CSMD2: variants seen among roughly 807,000 people sequenced by gnomAD.
The protein encoded by CSMD2 is CUB and Sushi multiple domains 2, also known as CUB and sushi domain-containing protein 2.
A neutral mutation model predicts 398.5 loss-of-function variants in CSMD2; 130 were observed. The ratio of observed to expected loss-of-function variants is 0.33; its 90% CI spans 0.28 to 0.38. The LOEUF (loss-of-function observed/expected upper bound fraction) is 0.38, where lower values mean the gene tolerates loss of function less well. Among genes scored for constraint, CSMD2 ranks in the 10% least tolerant of loss-of-function variants. CSMD2 has a pLI of 1.00. For synonymous variants in CSMD2, 1,828 were observed against 1,908.5 expected (o/e 0.96, Z 1.10); for missense variants, 3,829 against 4,764.9 (o/e 0.80, Z 5.78).
chr1:34,004,768 A>G (rs1647007293), intron 3 of CSMD2, among the ~76,000 whole-genome samples: 2 of 152,096 alleles, frequency 1.3e-5, no homozygotes, highest in African/African-American at 4.8e-5. Flanking sequence ...GGGTCCAAGT[A>G]TTCCTATGGC....
intron 1 of CSMD2, among the ~76,000 whole-genome samples, chr1:34,108,439 A>G (rs4581245): frequency 0.027 from 4,055 of 152,248 alleles, 76 homozygotes; most frequent in African/African-American, 0.045. Context: ...TCAAGACCAC[A>G]TTCACAGAGA....
intron 2 of CSMD2, among the ~76,000 whole-genome samples, chr1:34,036,464 ATAAAAT>A (rs1157803448): frequency 2.0e-4 from 30 of 152,224 alleles, no homozygotes; most frequent in Non-Finnish European, 4.4e-4. Flanking sequence ...TCTAGAGATG[ATAAAAT>A]TAAAGAGATG....
At chr1:33,904,623 T>C (rs910369874) in intron 5 of CSMD2, among the ~76,000 whole-genome samples, 1 of 151,884 alleles carries the variant, frequency 6.6e-6, no homozygotes, top group African/African-American at 2.4e-5. Flanking sequence ...TGCTACTAAG[T>C]TGTACACCTA....
chr1:34,005,609 C>A (rs1382845343), intron 3 of CSMD2, among the ~76,000 whole-genome samples: 4 of 152,182 alleles, frequency 2.6e-5, no homozygotes, highest in African/African-American at 7.2e-5. Context: ...CAAGCTTGAA[C>A]CTTCCTTGCA....
At chr1:33,677,391 C>T (rs1204609290) in intron 25 of CSMD2, among the ~76,000 whole-genome samples, 1 of 152,154 alleles carries the variant, frequency 6.6e-6, no homozygotes, top group East Asian at 1.9e-4. Context: ...CAGAGAAATG[C>T]AAATCAAAAC....
intron 42 of CSMD2, 143 bp downstream of exon 42, chr1:33,605,139 T>C (rs912591081): frequency 2.5e-6 from 2 of 786,844 alleles, no homozygotes; most frequent in East Asian, 2.7e-5. Flanking sequence ...GGCCACACCA[T>C]GTGAAAACAG....
intron 36 of CSMD2, 68 bp downstream of exon 36, chr1:33,623,302 T>G: frequency 9.9e-7 from 1 of 1,006,470 alleles, no homozygotes; most frequent in Non-Finnish European, 1.6e-6. Flanking sequence ...ATAATGATAA[T>G]AACAATGTTC....
At position 34,137,562 on chromosome 1, in the gene CSMD2, C is replaced by T. The variant is rs549358828; in HGVS notation, c.187+27349G>A. ...AACTATGCTCCCTTCCCTCCTTCAC[C>T]CTTCTGCCTTTGAACTCTAGCCTGG... On this transcript the variant is annotated intron_variant, in intron 1 of 70. Coordinates refer to ENST00000373381, the MANE Select transcript of CSMD2 (RefSeq NM_001281956.2). Among the ~76,000 whole-genome samples, 5 of 152,276 alleles carry T rather than the reference C, an allele frequency of 3.3e-5. No homozygotes were observed. The East Asian group carries it at 9.6e-4, about 29-fold the overall frequency.
At chr1:33,610,414 A>T (rs1640917369) in intron 41 of CSMD2, among the ~76,000 whole-genome samples, 1 of 152,196 alleles carries the variant, frequency 6.6e-6, no homozygotes, top group Admixed American at 6.5e-5. Context: ...GGTTGGGCAC[A>T]ATCTCCACAT....
chr1:33,990,924 A>C (rs1330747278), intron 3 of CSMD2, among the ~76,000 whole-genome samples: 1 of 152,094 alleles, frequency 6.6e-6, no homozygotes, highest in Admixed American at 6.5e-5. Flanking sequence ...CATGGGTCAT[A>C]CTTATAATAG....
At chr1:34,041,426 A>G (rs1250650583) in intron 2 of CSMD2, among the ~76,000 whole-genome samples, 1 of 152,098 alleles carries the variant, frequency 6.6e-6, no homozygotes, top group Non-Finnish European at 1.5e-5. Context: ...TATGCATGGG[A>G]CTCAAAGTCA....
chr1:33,854,909 G>A (rs929149258), intron 5 of CSMD2, among the ~76,000 whole-genome samples: 13 of 152,138 alleles, frequency 8.5e-5, no homozygotes, highest in African/African-American at 2.9e-4. Context: ...TGTATGGGGT[G>A]GTGGCATATT....
chr1:33,739,362 T>A (rs1398456907), intron 14 of CSMD2, 28 bp from the exon 15 acceptor site: 3 of 1,586,520 alleles, frequency 1.9e-6, no homozygotes, highest in Admixed American at 3.6e-5. Flanking sequence ...AAGGACATGA[T>A]CAGACATTGC....
chr1:33,741,287 G>A (rs1266085137), intron 14 of CSMD2, among the ~76,000 whole-genome samples: 1 of 152,080 alleles, frequency 6.6e-6, no homozygotes, highest in South Asian at 2.1e-4. Flanking sequence ...GCAAATTCAA[G>A]CTCAGCCTCA....
rs1641728617 is a variant in CSMD2, at chr1:34,164,857, G to A, written c.187+54C>T. The A allele has an allele frequency of 1.6e-6, 2 of 1,213,556 alleles. No homozygotes were observed. The highest frequency in any genetic ancestry group is 4.1e-5 in the South Asian group (1 of 24,116). The allele number at this position is 1,213,556 out of a possible 1,614,324, so 75.2% of individuals were successfully genotyped here. On this transcript the variant is annotated intron_variant, in intron 1 of 70. Coordinates refer to ENST00000373381, the MANE Select transcript of CSMD2 (RefSeq NM_001281956.2). This position sits in a 1 kb window ranked among gnomAD's most constrained non-coding sequence, Gnocchi z 6.2. ...ACCGGGTCGAGGATGGGTGGGCTCG[G>A]GGCTCGGGTGGGGCGCGCGGCGGCC...
intron 5 of CSMD2, among the ~76,000 whole-genome samples, chr1:33,859,077 C>T (rs1369850224): frequency 6.6e-6 from 1 of 152,212 alleles, no homozygotes; most frequent in African/African-American, 2.4e-5. Flanking sequence ...AGAAAAGTTA[C>T]AGACCAGCAG....
intron 10 of CSMD2, among the ~76,000 whole-genome samples, chr1:33,810,339 C>T (rs183761670): frequency 3.2e-4 from 49 of 152,200 alleles, no homozygotes; most frequent in African/African-American, 9.6e-4. Flanking sequence ...GAAGTTCAAA[C>T]GTTAGCATAC....
chr1:33,976,366 T>C (rs774474252), intron 3 of CSMD2, among the ~76,000 whole-genome samples: 2 of 152,212 alleles, frequency 1.3e-5, no homozygotes, highest in Non-Finnish European at 2.9e-5. Context: ...AGAACCCACC[T>C]GGGGATTCCC....
At position 33,583,841 on chromosome 1, in the gene CSMD2, G is replaced by C; in HGVS notation, c.7052-11C>G. 6.2e-7 allele frequency: 1 copy of C among 1,610,444 alleles called. No individual in the cohort carries two copies. On this transcript the variant is annotated splice_polypyrimidine_tract_variant and intron_variant, in intron 46 of 70. Transcript: ENST00000373381. ...TTGTTGGACAGTGCACTTGGAGAAAGAAAGAGAAACACCAAGTACGTGGGG... is the reference window on the plus strand; with the variant it reads ...TTGTTGGACAGTGCACTTGGAGAAACAAAGAGAAACACCAAGTACGTGGGG...
Sources: gnomAD v4.1 joint callset for allele counts (sites outside exome capture counted in the v4.1 genomes callset) on GRCh38, gnomAD v4.1.1 for gene constraint, Gnocchi (gnomAD v3.1) non-coding constraint, MANE v1.5 for transcripts, NCBI Gene and HGNC (gene_info 2026-07-23, HGNC 2026-07-21) for gene names.